STARD13: variants seen among roughly 807,000 people sequenced by gnomAD.
The protein encoded by STARD13 is stAR-related lipid transfer protein 13.
STARD13 carries 62 observed loss-of-function variants against 106.4 expected under a neutral mutation model. The ratio of observed to expected loss-of-function variants is 0.58; its 90% CI spans 0.48 to 0.72. The LOEUF (loss-of-function observed/expected upper bound fraction) is 0.72. Among genes scored for constraint, STARD13 ranks in the 30% least tolerant of loss-of-function variants. The pLI, the probability that STARD13 is intolerant of heterozygous loss-of-function variation, is 0.00. For synonymous variants in STARD13, 565 were observed against 553.0 expected (o/e 1.02, Z -0.31); for missense variants, 1,387 against 1,424.0 (o/e 0.97, Z 0.42).
At chr13:33,175,157 G>A (rs1451862159) in intron 1 of STARD13, among the ~76,000 whole-genome samples, 1 of 152,176 alleles carries the variant, frequency 6.6e-6, no homozygotes, top group African/African-American at 2.4e-5. Flanking sequence ...AGATTGTTTT[G>A]ACTCAAGTTT....
chr13:33,655,027 G>A, the STARD13 span, among the ~76,000 whole-genome samples: 1 of 152,158 alleles, frequency 6.6e-6, no homozygotes. Flanking sequence ...TTAAGAACTA[G>A]ATACACAAAA....
At chr13:33,466,678 A>G in the STARD13 span, among the ~76,000 whole-genome samples, 3 of 152,238 alleles carry the variant, frequency 2.0e-5, no homozygotes, top group Admixed American at 6.5e-5. Context: ...AACATCCATA[A>G]AAGTTTAAAG....
chr13:33,590,011 A>G, the STARD13 span, among the ~76,000 whole-genome samples: 4 of 152,166 alleles, frequency 2.6e-5, no homozygotes, highest in East Asian at 7.7e-4. Flanking sequence ...TATTTAGGAT[A>G]GTTAGCTCTT....
chr13:33,494,850 T>C, the STARD13 span, among the ~76,000 whole-genome samples: 1 of 151,980 alleles, frequency 6.6e-6, no homozygotes, highest in Non-Finnish European at 1.5e-5. Context: ...TCTTTGCTGC[T>C]GCACCAAAAA....
At chr13:33,364,758 G>C in the STARD13 span, among the ~76,000 whole-genome samples, 1 of 152,248 alleles carries the variant, frequency 6.6e-6, no homozygotes, top group African/African-American at 2.4e-5. Context: ...GCGTGGTGGC[G>C]GGCGCCTGTA....
chr13:33,466,818 T>G, the STARD13 span, among the ~76,000 whole-genome samples: 1 of 152,206 alleles, frequency 6.6e-6, no homozygotes, highest in Non-Finnish European at 1.5e-5. Context: ...AAAAGCAACA[T>G]GAATACAAAG....
Position 33,104,086 on chromosome 13 carries a change from A to C in STARD13, c.*1507T>G, listed in dbSNP as rs1873404534. ...AATGCATATAATGCAAAAAAACCTG[A>C]AAACACTCATTTGCTTTTCTTTTTT... is the stretch of plus-strand genomic sequence containing the variant. On this transcript the variant is annotated 3_prime_UTR_variant, in exon 14 of 14. Coordinates refer to ENST00000336934, the MANE Select transcript of STARD13 (RefSeq NM_178006.4). The C allele has an allele frequency of 6.6e-6, 1 of 152,234 alleles. No homozygotes were observed. Among genetic ancestry groups the C allele is most frequent in the Non-Finnish European group, 1.5e-5 (1 of 68,038 alleles). The allele number at this position is 152,234 out of a possible 1,614,324, so 9.4% of individuals were successfully genotyped here.
At chr13:33,250,590 C>T (rs1184627684) in intron 1 of STARD13, among the ~76,000 whole-genome samples, 1 of 152,210 alleles carries the variant, frequency 6.6e-6, no homozygotes, top group East Asian at 1.9e-4. Context: ...AGGCTTCAAA[C>T]ATCACTTGGA....
the STARD13 span, among the ~76,000 whole-genome samples, chr13:33,515,164 A>C: frequency 3.3e-5 from 5 of 152,290 alleles, no homozygotes; most frequent in Admixed American, 6.5e-5. Context: ...GGAATCTTTC[A>C]AATGTCCTCA....
the STARD13 span, among the ~76,000 whole-genome samples, chr13:33,368,892 T>C: frequency 6.6e-6 from 1 of 152,138 alleles, no homozygotes; most frequent in Non-Finnish European, 1.5e-5. Flanking sequence ...ATATTCCTTG[T>C]TAGAGATTCC....
chr13:33,546,610 G>T, the STARD13 span, among the ~76,000 whole-genome samples: 6 of 151,640 alleles, frequency 4.0e-5, no homozygotes, highest in Non-Finnish European at 8.8e-5. Context: ...ATGCTCCCTT[G>T]TGATGAGCTA....
At chr13:33,117,821 C>A (rs565980378) in intron 8 of STARD13, 1 of 984,206 alleles carries the variant, frequency 1.0e-6, no homozygotes, top group South Asian at 4.7e-5. Context: ...AGATCATACA[C>A]AAAACTCTTT....
the STARD13 span, among the ~76,000 whole-genome samples, chr13:33,438,646 CCAGT>C: frequency 2.7e-4 from 41 of 152,264 alleles, 1 homozygote; most frequent in South Asian, 8.1e-3. Flanking sequence ...AAAGTTCTAG[CCAGT>C]CATTTTTGCC....
chr13:33,173,217 G>A (rs1884173327), intron 1 of STARD13, among the ~76,000 whole-genome samples: 1 of 152,190 alleles, frequency 6.6e-6, no homozygotes, highest in Non-Finnish European at 1.5e-5. Flanking sequence ...ATATGGCTAA[G>A]GTAGCTTCAT....
chr13:33,497,789 G>T, the STARD13 span, among the ~76,000 whole-genome samples: 3 of 152,118 alleles, frequency 2.0e-5, no homozygotes, highest in African/African-American at 7.2e-5. Context: ...GAGAGTATCA[G>T]GTTTGGTGAA....
chr13:33,129,990 G>C lies in STARD13; in HGVS notation c.687C>G (p.Ser229Arg). 1 of 1,613,114 alleles carries C rather than the reference G, an allele frequency of 6.2e-7. No individual in the cohort carries two copies. Among genetic ancestry groups the C allele is most frequent in the Non-Finnish European group, 8.5e-7 (1 of 1,179,776 alleles). The stretch of plus-strand genomic sequence containing the variant: ...CTCTGGGGGGCTGTGGGAGGCTGCT[G>C]CTGACGAGTGGGGCATCCAGCATGA... ...NPVMLDAPLVSSSLPQPPRDV... is the reference protein window; with the variant it reads ...NPVMLDAPLVRSSLPQPPRDV... The change falls in exon 5 of 14, where the codon AGC (serine) becomes AGG (arginine). Residue 229 changes from serine to arginine, a missense_variant. Coordinates refer to ENST00000336934, the MANE Select transcript of STARD13 (RefSeq NM_178006.4).
chr13:33,114,166 A>G (rs904379311), intron 8 of STARD13, among the ~76,000 whole-genome samples: 1 of 152,226 alleles, frequency 6.6e-6, no homozygotes, highest in Non-Finnish European at 1.5e-5. Flanking sequence ...TTATATTACT[A>G]AACATAAATA....
At chr13:33,621,284 T>C in the STARD13 span, among the ~76,000 whole-genome samples, 1 of 152,042 alleles carries the variant, frequency 6.6e-6, no homozygotes, top group Non-Finnish European at 1.5e-5. Context: ...TATAGAAGAA[T>C]AGTGAAAATA....
chr13:33,507,322 T>C, the STARD13 span, among the ~76,000 whole-genome samples: 1 of 152,178 alleles, frequency 6.6e-6, no homozygotes, highest in Non-Finnish European at 1.5e-5. Context: ...TAATTCTTTT[T>C]GTTTTGAAAA....
Sources: allele counts gnomAD v4.1 joint callset (sites outside exome capture counted in the v4.1 genomes callset), GRCh38; gene constraint gnomAD v4.1.1; transcripts MANE v1.5; gene names NCBI Gene and HGNC (gene_info 2026-07-23, HGNC 2026-07-21).